MYO5A: variants seen among roughly 807,000 people sequenced by gnomAD.
MYO5A encodes the protein unconventional myosin-Va.
A neutral mutation model predicts 249.7 loss-of-function variants in MYO5A; 98 were observed. That is an observed-to-expected ratio of 0.39 (90% confidence interval 0.33 to 0.46). The LOEUF (loss-of-function observed/expected upper bound fraction) is 0.46. Among genes scored for constraint, MYO5A ranks in the 20% least tolerant of loss-of-function variants. The pLI is 0.98. For missense variants in MYO5A, 1,696 were observed against 2,308.8 expected (o/e 0.73, Z 5.44); for synonymous variants, 778 against 810.6 (o/e 0.96, Z 0.68).
At chr15:52,338,809 C>G (rs2039244056) in intron 32 of MYO5A, among the ~76,000 whole-genome samples, 1 of 152,022 alleles carries the variant, frequency 6.6e-6, no homozygotes, top group Non-Finnish European at 1.5e-5. Context: ...GTGAAAAAAC[C>G]CTGGAAATCT....
At chr15:52,377,727 C>T (rs891373880) in intron 18 of MYO5A, among the ~76,000 whole-genome samples, 15 of 151,954 alleles carry the variant, frequency 9.9e-5, no homozygotes, top group African/African-American at 3.6e-4. Flanking sequence ...AACACCACTA[C>T]GTCCAGCTAA....
intron 18 of MYO5A, among the ~76,000 whole-genome samples, chr15:52,378,507 G>A (rs1397008472): frequency 4.3e-4 from 2 of 4,698 alleles, no homozygotes; most frequent in African/African-American, 5.2e-4. Context: ...GAAAGAGCAA[G>A]ACTGTCTCAA....
At chr15:52,332,263 T>C (rs1048288228) in intron 34 of MYO5A, among the ~76,000 whole-genome samples, 21 of 152,198 alleles carry the variant, frequency 1.4e-4, no homozygotes, top group African/African-American at 5.1e-4. Context: ...CCCACTGATT[T>C]ATCAAATCTA....
chr15:52,319,360 T>C lies in MYO5A; in HGVS notation c.4952-18A>G, dbSNP rs370561421. On this transcript the variant is annotated intron_variant, in intron 38 of 41. Transcript: ENST00000399233. Reference sequence around the variant, plus strand: ...GCCTGAGACTGCAGGAGTATTTCAATTGTTAGAGGAGATGATGTGGAAGGG... The same window carrying C: ...GCCTGAGACTGCAGGAGTATTTCAACTGTTAGAGGAGATGATGTGGAAGGG... 506 of 1,612,914 alleles carry C rather than the reference T, an allele frequency of 3.1e-4. 2 individuals carry two copies. The African/African-American group carries it at 6.1e-3, about 19-fold the overall frequency.
intron 34 of MYO5A, among the ~76,000 whole-genome samples, chr15:52,334,613 A>C (rs1445202860): frequency 2.0e-5 from 3 of 152,242 alleles, no homozygotes; most frequent in Non-Finnish European, 4.4e-5. Context: ...ATCCTTTACA[A>C]AGTAAATGTC....
chr15:52,483,544 A>C (rs1823093963), intron 1 of MYO5A, among the ~76,000 whole-genome samples: 1 of 151,910 alleles, frequency 6.6e-6, no homozygotes, highest in Non-Finnish European at 1.5e-5. Context: ...ACAACAACAA[A>C]AAACTATGGG....
rs551362064 is a variant in MYO5A at position 52,498,728 on chromosome 15, G to A, written c.27+30052C>T. Among the ~76,000 whole-genome samples, 10 of 152,308 alleles carry A rather than the reference G, an allele frequency of 6.6e-5. No individual in the cohort carries two copies. In the South Asian group the frequency reaches 2.1e-3, roughly 32 times the overall value. ...TTAAAAATATTTTCCTGTTCTGTCAGATGGCCTATTAATGTCCTTTTGAAC... is the reference window on the plus strand; with the variant it reads ...TTAAAAATATTTTCCTGTTCTGTCAAATGGCCTATTAATGTCCTTTTGAAC... On this transcript the variant is annotated intron_variant, in intron 1 of 41. Transcript: ENST00000399233.
chr15:52,483,433 T>C (rs1488879155), intron 1 of MYO5A, among the ~76,000 whole-genome samples: 1 of 152,106 alleles, frequency 6.6e-6, no homozygotes, highest in African/African-American at 2.4e-5. Context: ...TAATTTATGA[T>C]ACACTGATGG....
chr15:52,513,680 C>T (rs1267731311), intron 1 of MYO5A, among the ~76,000 whole-genome samples: 2 of 151,996 alleles, frequency 1.3e-5, no homozygotes, highest in East Asian at 3.9e-4. Context: ...ATCCACCCAC[C>T]TCGGCCTCCC....
intron 23 of MYO5A, among the ~76,000 whole-genome samples, chr15:52,364,976 C>G (rs974339656): frequency 9.9e-5 from 15 of 152,210 alleles, no homozygotes; most frequent in African/African-American, 3.6e-4. Flanking sequence ...CCTTGAAAAA[C>G]TTCCACTAGT....
At position 52,405,314 on chromosome 15, in the gene MYO5A, G is replaced by T; in HGVS notation, c.1026C>A (p.Ser342=). The T allele has an allele frequency of 6.2e-7, 1 of 1,613,378 alleles. No individual in the cohort carries two copies. The highest frequency in any genetic ancestry group is 8.5e-7 in the Non-Finnish European group (1 of 1,179,402). The stretch of plus-strand genomic sequence containing the variant: ...GTATTGTGCAGCTGTCTGCATCTCG[G>T]GATGTAAATCCAACATTGCCTAAGT... ...ILHLGNVGFT[S]RDADSCTIPP... is the part of the protein sequence containing the mutation. Residue 342 remains serine, a synonymous_variant, in exon 9 of 42, where the codon TCC becomes TCA. Coordinates refer to ENST00000399233, the MANE Select transcript of MYO5A (RefSeq NM_001382347.1).
chr15:52,475,179 G>C (rs1430869981), intron 1 of MYO5A, among the ~76,000 whole-genome samples: 1 of 152,174 alleles, frequency 6.6e-6, no homozygotes, highest in Non-Finnish European at 1.5e-5. Flanking sequence ...TTGTGTAGAG[G>C]TGTTTACAGT....
chr15:52,496,257 C>A, intron 1 of MYO5A, among the ~76,000 whole-genome samples: 1 of 152,166 alleles, frequency 6.6e-6, no homozygotes, highest in Non-Finnish European at 1.5e-5. Flanking sequence ...GGCTCATCAT[C>A]CCTCTTGGTT....
chr15:52,373,921 C>T (rs1210421200), intron 20 of MYO5A, among the ~76,000 whole-genome samples: 3 of 151,386 alleles, frequency 2.0e-5, no homozygotes, highest in South Asian at 2.1e-4. Flanking sequence ...TCACCAGTTT[C>T]GAATTTTTTG....
At chr15:52,403,670 G>A (rs771354884) in intron 9 of MYO5A, among the ~76,000 whole-genome samples, 2 of 152,100 alleles carry the variant, frequency 1.3e-5, no homozygotes, top group Non-Finnish European at 2.9e-5. Flanking sequence ...CCACTTAATG[G>A]TACACTTTAA....
chr15:52,374,129 A>G (rs2041277151), intron 20 of MYO5A, among the ~76,000 whole-genome samples: 1 of 152,080 alleles, frequency 6.6e-6, no homozygotes, highest in Non-Finnish European at 1.5e-5. Context: ...TGTAGGATAG[A>G]CTCCAAACCT....
intron 1 of MYO5A, among the ~76,000 whole-genome samples, chr15:52,451,226 T>G (rs1023594701): frequency 1.3e-5 from 2 of 152,102 alleles, no homozygotes; most frequent in African/African-American, 4.8e-5. Context: ...AAAAAACTGA[T>G]ACTCAGGACT....
chr15:52,499,460 G>C (rs1003808219), intron 1 of MYO5A, among the ~76,000 whole-genome samples: 1 of 152,004 alleles, frequency 6.6e-6, no homozygotes, highest in Non-Finnish European at 1.5e-5. Context: ...TTCCAAAACC[G>C]AAACTCCATA....
chr15:52,384,910 C>T (rs533988741), intron 14 of MYO5A, among the ~76,000 whole-genome samples: 2 of 152,162 alleles, frequency 1.3e-5, no homozygotes, highest in South Asian at 4.2e-4. Flanking sequence ...GAAGATAATT[C>T]GGGTTACAGA....
Sources: allele counts gnomAD v4.1 joint callset (sites outside exome capture counted in the v4.1 genomes callset), GRCh38; gene constraint gnomAD v4.1.1; transcripts MANE v1.5; gene names NCBI Gene and HGNC (gene_info 2026-07-23, HGNC 2026-07-21).